The following DLC1 variants were observed in gnomAD, a reference collection of about 807,000 sequenced individuals.
DLC1 encodes the protein DLC1 Rho GTPase activating protein.
In DLC1, 54 loss-of-function variants were observed where a neutral mutation model predicts 140.3. The ratio of observed to expected loss-of-function variants is 0.38; its 90% CI spans 0.31 to 0.48. The LOEUF is 0.48. Ranked by LOEUF, DLC1 falls within the 20% of genes least tolerant of loss-of-function variation. The pLI is 0.96. For missense variants in DLC1, 2,536 were observed against 1,907.0 expected, an observed-to-expected ratio of 1.33 and a Z score of -6.14; for synonymous variants, 986 against 728.1, an observed-to-expected ratio of 1.35 and a Z score of -5.70.
At chr8:13,369,897 A>G (rs1261561535) in intron 4 of DLC1, among the ~76,000 whole-genome samples, 1 of 131,302 alleles carries the variant, frequency 7.6e-6, no homozygotes, top group Non-Finnish European at 1.6e-5. Flanking sequence ...TAGAAGTCAA[A>G]GTCAGATTTA....
chr8:13,398,836 T>C (rs1015213556), intron 3 of DLC1, among the ~76,000 whole-genome samples: 1 of 152,018 alleles, frequency 6.6e-6, no homozygotes, highest in African/African-American at 2.4e-5. Flanking sequence ...TTGATTGATG[T>C]TGGAGGAGAG....
chr8:13,228,065 G>C (rs964336180), intron 5 of DLC1, among the ~76,000 whole-genome samples: 3 of 152,126 alleles, frequency 2.0e-5, no homozygotes, highest in African/African-American at 7.2e-5. Flanking sequence ...AAGAGACTAT[G>C]TATATCAGGG....
chr8:13,546,737 C>G (rs1314866858), intron 1 of DLC1, among the ~76,000 whole-genome samples: 1 of 152,128 alleles, frequency 6.6e-6, no homozygotes, highest in Non-Finnish European at 1.5e-5. Flanking sequence ...AGCTCAATGT[C>G]TTAGTAAATG....
chr8:13,406,197 T>TTTTTTTTTTTTG (rs1837554721), intron 2 of DLC1, among the ~76,000 whole-genome samples: 1 of 143,054 alleles, frequency 7.0e-6, no homozygotes, highest in Non-Finnish European at 1.5e-5. Flanking sequence ...TTTTTTTTTT[T>TTTTTTTTTTTTG]TCAGTGGAGA....
chr8:13,588,599 A>G (rs937878768), intron 1 of DLC1, among the ~76,000 whole-genome samples: 11 of 152,162 alleles, frequency 7.2e-5, no homozygotes, highest in Admixed American at 6.6e-4. Context: ...ATTAAAGTAT[A>G]TTCCATAAAA....
At chr8:13,338,658 T>C (rs1833904133) in intron 4 of DLC1, 1 of 152,108 alleles carries the variant, frequency 6.6e-6, no homozygotes, top group Non-Finnish European at 1.5e-5. Flanking sequence ...ATTTCCCATG[T>C]CCCCACACCT....
chr8:13,502,336 C>G (rs1801855561), intron 1 of DLC1, among the ~76,000 whole-genome samples: 1 of 152,120 alleles, frequency 6.6e-6, no homozygotes, highest in Admixed American at 6.5e-5. Flanking sequence ...ATTTCCAAAT[C>G]ATTTCTGTAA....
intron 5 of DLC1, among the ~76,000 whole-genome samples, chr8:13,187,553 C>G (rs1311013126): frequency 6.6e-6 from 1 of 152,044 alleles, no homozygotes; most frequent in Non-Finnish European, 1.5e-5. Context: ...AGAAAGATGA[C>G]AGAGGACTAT....
chr8:13,419,760 A>G (rs141686954), intron 2 of DLC1, among the ~76,000 whole-genome samples: 12,587 of 151,998 alleles, frequency 0.083, 641 homozygotes, highest in Admixed American at 0.14. Context: ...CTCTTTTTCT[A>G]TTGATTGGAA....
At chr8:13,166,773 G>A (rs148089171) in intron 5 of DLC1, among the ~76,000 whole-genome samples, 15 of 152,250 alleles carry the variant, frequency 9.9e-5, no homozygotes, top group East Asian at 5.8e-4. Flanking sequence ...ATTTGAAATC[G>A]TTTAATAATC....
chr8:13,363,831 A>C (rs889255702), intron 4 of DLC1, among the ~76,000 whole-genome samples: 5 of 152,196 alleles, frequency 3.3e-5, no homozygotes, highest in Admixed American at 2.0e-4. Flanking sequence ...TTTGGTACCA[A>C]AATGATAACT....
chr8:13,113,119 A>G (rs1207012715), intron 6 of DLC1, among the ~76,000 whole-genome samples: 1 of 152,256 alleles, frequency 6.6e-6, no homozygotes, highest in East Asian at 1.9e-4. Context: ...TAAGAATTAA[A>G]TCAGTAATTT....
intron 4 of DLC1, among the ~76,000 whole-genome samples, chr8:13,327,980 C>T (rs1243880232): frequency 6.6e-6 from 1 of 152,094 alleles, no homozygotes; most frequent in Non-Finnish European, 1.5e-5. Flanking sequence ...ACTACATGTG[C>T]AAAAGTTCTA....
In DLC1 at chr8:13,370,772, C is replaced by T. The variant is rs145979369; in HGVS notation, c.1314+22781G>A. On this transcript the variant is annotated intron_variant, in intron 4 of 17. Transcript: ENST00000276297. ...GGCAAGATGTGTACAGCATCCCAAGCCTCATATTCTTGTTGCTCTAAATCC... is the reference window on the plus strand; with the variant it reads ...GGCAAGATGTGTACAGCATCCCAAGTCTCATATTCTTGTTGCTCTAAATCC... 3.3e-5 allele frequency among the ~76,000 whole-genome samples: 5 copies of T among 152,234 alleles called. 1 individual carries two copies. The highest frequency in any genetic ancestry group is 1.2e-4 in the African/African-American group (5 of 41,542).
At chr8:13,192,254 C>T (rs946492207) in intron 5 of DLC1, among the ~76,000 whole-genome samples, 1 of 150,274 alleles carries the variant, frequency 6.7e-6, no homozygotes, top group Non-Finnish European at 1.5e-5. Context: ...CCCAGCCAGC[C>T]TGATTATTCT....
At chr8:13,502,594 T>G (rs1801871251) in intron 1 of DLC1, among the ~76,000 whole-genome samples, 1 of 152,236 alleles carries the variant, frequency 6.6e-6, no homozygotes, top group Admixed American at 6.5e-5. Context: ...CAATCACATC[T>G]GAGTTTATAG....
Position 13,528,202 on chromosome 8 carries a change from A to T in DLC1, c.-125-28006T>A, listed in dbSNP as rs535269657. On this transcript the variant is annotated intron_variant, in intron 1 of 1. Transcript: ENST00000631382. Reference sequence around the variant, plus strand: ...AAAAGTTCAGTGTTCTCAGTATTTCACTGAACATATTCACATTTCTACAAT... The same window carrying T: ...AAAAGTTCAGTGTTCTCAGTATTTCTCTGAACATATTCACATTTCTACAAT... 7.4e-4 allele frequency among the ~76,000 whole-genome samples: 112 copies of T among 152,286 alleles called. No homozygotes were observed. In the South Asian group the frequency reaches 0.012, roughly 17 times the overall value.
chr8:13,365,475 A>G (rs1471819363), intron 4 of DLC1, among the ~76,000 whole-genome samples: 2 of 152,102 alleles, frequency 1.3e-5, no homozygotes, highest in Non-Finnish European at 2.9e-5. Flanking sequence ...CCTTTATCCT[A>G]CTCTAGATGT....
At chr8:13,216,300 C>G (rs1456609776) in intron 5 of DLC1, among the ~76,000 whole-genome samples, 1 of 152,182 alleles carries the variant, frequency 6.6e-6, no homozygotes, top group Non-Finnish European at 1.5e-5. Context: ...TTTCATTTGA[C>G]AGAGGACTAT....
Sources: allele counts gnomAD v4.1 joint callset (sites outside exome capture counted in the v4.1 genomes callset), GRCh38; gene constraint gnomAD v4.1.1; transcripts MANE v1.5; gene names NCBI Gene and HGNC (gene_info 2026-07-23, HGNC 2026-07-21).